The following CSMD1 variants were observed in gnomAD, a reference collection of about 807,000 sequenced individuals.
CSMD1 encodes CUB and sushi domain-containing protein 1.
CSMD1 carries 213 observed loss-of-function variants against 417.5 expected under a neutral mutation model. The observed-to-expected ratio is 0.51, with a 90% CI of 0.46 to 0.57. CSMD1 has a LOEUF of 0.57. CSMD1 is among the 20% of genes least tolerant of loss of function. CSMD1 has a pLI of 0.00. For missense variants in CSMD1, 6,923 were observed against 4,529.7 expected (o/e 1.53, Z -15.17); for synonymous variants, 2,862 against 1,736.8 (o/e 1.65, Z -16.11).
chr8:3,208,058 C>T (rs1053380935), intron 30 of CSMD1, among the ~76,000 whole-genome samples: 3 of 152,094 alleles, frequency 2.0e-5, no homozygotes, highest in Non-Finnish European at 4.4e-5. Context: ...TCAAAAGCTT[C>T]AAGTTCAAGT....
At chr8:3,609,487 A>G (rs1801783335) in intron 8 of CSMD1, among the ~76,000 whole-genome samples, 1 of 152,182 alleles carries the variant, frequency 6.6e-6, no homozygotes, top group African/African-American at 2.4e-5. Context: ...CGGGTATTTT[A>G]TACATAATGA....
At chr8:4,807,851 T>A (rs1326107133) in intron 1 of CSMD1, among the ~76,000 whole-genome samples, 1 of 152,202 alleles carries the variant, frequency 6.6e-6, no homozygotes, top group Non-Finnish European at 1.5e-5. Context: ...ATGTTATTGT[T>A]AATATTACTA....
chr8:4,890,536 C>T (rs1265677734), intron 1 of CSMD1, among the ~76,000 whole-genome samples: 2 of 151,016 alleles, frequency 1.3e-5, no homozygotes, highest in African/African-American at 2.4e-5. Context: ...GACTCTGACA[C>T]CCTCCTCTCC....
chr8:4,550,003 T>C (rs75093778), intron 2 of CSMD1, among the ~76,000 whole-genome samples: 1 of 151,082 alleles, frequency 6.6e-6, no homozygotes, highest in Non-Finnish European at 1.5e-5. Flanking sequence ...TTTCTGTTAA[T>C]CAAGGACAAG....
chr8:4,675,722 TC>T (rs1805640919), intron 1 of CSMD1, among the ~76,000 whole-genome samples: 1 of 152,190 alleles, frequency 6.6e-6, no homozygotes, highest in Non-Finnish European at 1.5e-5. Context: ...TTGCATATTT[TC>T]CCTATTCATC....
intron 2 of CSMD1, among the ~76,000 whole-genome samples, chr8:4,608,940 A>G (rs981891465): frequency 6.6e-6 from 1 of 151,930 alleles, no homozygotes; most frequent in East Asian, 1.9e-4. Flanking sequence ...ACCTTGTTTG[A>G]TTAACTCTGG....
chr8:3,264,166 C>A (rs1022175095), intron 26 of CSMD1, among the ~76,000 whole-genome samples: 1 of 152,074 alleles, frequency 6.6e-6, no homozygotes, highest in African/African-American at 2.4e-5. Flanking sequence ...CAATAAAAAT[C>A]TGTATATTGA....
chr8:3,224,159 T>C (rs1336787758), intron 27 of CSMD1, among the ~76,000 whole-genome samples: 2 of 152,236 alleles, frequency 1.3e-5, no homozygotes, highest in Non-Finnish European at 2.9e-5. Flanking sequence ...TAAAATTTTC[T>C]CAATTAAATG....
At chr8:4,084,053 A>T (rs943624596) in intron 3 of CSMD1, among the ~76,000 whole-genome samples, 1 of 152,236 alleles carries the variant, frequency 6.6e-6, no homozygotes, top group Non-Finnish European at 1.5e-5. Context: ...TAAAATTAGT[A>T]GATCAAATGC....
chr8:4,879,686 G>A (rs961257136), intron 1 of CSMD1, among the ~76,000 whole-genome samples: 6 of 151,850 alleles, frequency 4.0e-5, no homozygotes, highest in Admixed American at 3.3e-4. Context: ...AGGAGAATCG[G>A]GAGAGGTGGA....
intron 40 of CSMD1, among the ~76,000 whole-genome samples, chr8:3,143,277 G>A (rs1249314820): frequency 6.6e-6 from 1 of 152,148 alleles, no homozygotes. Flanking sequence ...AAGTTTATTA[G>A]TTTAGCAAGC....
At chr8:3,742,732 G>C (rs1796874715) in intron 6 of CSMD1, among the ~76,000 whole-genome samples, 1 of 151,970 alleles carries the variant, frequency 6.6e-6, no homozygotes, top group Non-Finnish European at 1.5e-5. Context: ...GAGAGAGAGA[G>C]AGAGAAGAAA....
chr8:3,596,859 G>C (rs1050224517), intron 8 of CSMD1, among the ~76,000 whole-genome samples: 2 of 152,162 alleles, frequency 1.3e-5, no homozygotes, highest in Non-Finnish European at 2.9e-5. Flanking sequence ...GACACTAAAA[G>C]ATGTGAATAT....
At chr8:3,379,379 T>C (rs28845202) in intron 18 of CSMD1, among the ~76,000 whole-genome samples, 3,606 of 152,230 alleles carry the variant, frequency 0.024, 144 homozygotes, top group African/African-American at 0.082. Flanking sequence ...ACTTTCTTCA[T>C]TGAATTAGAA....
chr8:4,111,495 A>T (rs1347194222), intron 3 of CSMD1, among the ~76,000 whole-genome samples: 1 of 152,234 alleles, frequency 6.6e-6, no homozygotes, highest in African/African-American at 2.4e-5. Flanking sequence ...CACTATCCAC[A>T]ATAGCAAAGA....
At chr8:4,326,204 C>T (rs1036448055) in intron 3 of CSMD1, among the ~76,000 whole-genome samples, 4 of 152,084 alleles carry the variant, frequency 2.6e-5, no homozygotes, top group African/African-American at 9.7e-5. Context: ...CCAATGCTGC[C>T]GATTTGGGAA....
chr8:3,499,471 G>C (rs1243194577), intron 10 of CSMD1, among the ~76,000 whole-genome samples: 1 of 152,140 alleles, frequency 6.6e-6, no homozygotes, highest in Non-Finnish European at 1.5e-5. Flanking sequence ...GGGAGCATGT[G>C]TGAGCATTCA....
chr8:4,356,329 TACAC>T (rs3990908), intron 3 of CSMD1, among the ~76,000 whole-genome samples: 4 of 150,972 alleles, frequency 2.6e-5, no homozygotes, highest in Non-Finnish European at 4.4e-5. Flanking sequence ...TCATATGTAA[TACAC>T]ACACACACAC....
chr8:3,634,048 G>C (rs1032438067), intron 7 of CSMD1, among the ~76,000 whole-genome samples: 83 of 150,286 alleles, frequency 5.5e-4, no homozygotes, highest in African/African-American at 1.9e-3. Context: ...ATAAAGGGCT[G>C]ACTCAGCACA....
Sources: allele counts gnomAD v4.1 joint callset (sites outside exome capture counted in the v4.1 genomes callset), GRCh38; gene constraint gnomAD v4.1.1; transcripts MANE v1.5; gene names NCBI Gene and HGNC (gene_info 2026-07-23, HGNC 2026-07-21).